PARP8: variants seen among roughly 807,000 people sequenced by gnomAD.
PARP8 encodes protein mono-ADP-ribosyltransferase PARP8.
In PARP8, 51 loss-of-function variants were observed where a neutral mutation model predicts 124.1. That is an observed-to-expected ratio of 0.41 (90% CI 0.33 to 0.52). PARP8 has a LOEUF of 0.52. Among genes scored for constraint, PARP8 ranks in the 20% least tolerant of loss-of-function variants. The pLI, the probability that PARP8 is intolerant of heterozygous loss-of-function variation, is 0.21. For missense variants in PARP8, 860 were observed against 1,018.9 expected (o/e 0.84, Z 2.12); for synonymous variants, 391 against 361.5 (o/e 1.08, Z -0.93).
intron 16 of PARP8, among the ~76,000 whole-genome samples, chr5:50,821,885 G>A (rs901612330): frequency 6.6e-6 from 1 of 152,124 alleles, no homozygotes; most frequent in Non-Finnish European, 1.5e-5. Flanking sequence ...AAAATGAATT[G>A]TCAGCTATGT....
rs190331890 is a variant in PARP8, at chr5:50,781,800, A to G, written c.670+3150A>G. Among the ~76,000 whole-genome samples the G allele has an allele frequency of 3.3e-4, 50 of 152,284 alleles. 1 individual carries two copies. In the East Asian group the frequency reaches 7.0e-3, roughly 21 times the overall value. ...TAGCTACTCTGTTTCAGGTCTGTAC[A>G]AATTCTAAGTTGTAATGCATGCTCC... On this transcript the variant is annotated intron_variant, in intron 9 of 25. Coordinates refer to ENST00000281631, the MANE Select transcript of PARP8 (RefSeq NM_024615.4).
intron 9 of PARP8, among the ~76,000 whole-genome samples, chr5:50,779,512 G>A (rs1279270305): frequency 7.2e-5 from 11 of 152,150 alleles, no homozygotes; most frequent in African/African-American, 1.7e-4. Flanking sequence ...GTGCCTGTCC[G>A]ACACATAGCT....
chr5:50,796,457 G>A (rs1393757992), intron 12 of PARP8, among the ~76,000 whole-genome samples: 1 of 152,148 alleles, frequency 6.6e-6, no homozygotes, highest in Non-Finnish European at 1.5e-5. Flanking sequence ...TAGAACAACT[G>A]CACAGTGGAA....
chr5:50,792,403 C>T (rs1742062572), intron 10 of PARP8, among the ~76,000 whole-genome samples: 1 of 151,916 alleles, frequency 6.6e-6, no homozygotes, highest in African/African-American at 2.4e-5. Context: ...TTAAGAATTA[C>T]TGATTTTAGA....
At position 50,829,411 on chromosome 5, in the gene PARP8, A is replaced by G. The variant is rs74957323; in HGVS notation, c.2164-481A>G. Among the ~76,000 whole-genome samples the G allele has an allele frequency of 7.5e-3, 1,137 of 152,296 alleles. 14 individuals carry two copies. The highest frequency in any genetic ancestry group is 0.026 in the African/African-American group (1,068 of 41,552). On this transcript the variant is annotated intron_variant, in intron 21 of 25. Transcript: ENST00000281631. ...TGAGGGCCCAGAACACAGAGATAATAAGAAAGAAATTTAGTTGATCTGAGT... is the reference window on the plus strand; with the variant it reads ...TGAGGGCCCAGAACACAGAGATAATGAGAAAGAAATTTAGTTGATCTGAGT...
At chr5:50,815,228 A>G (rs1385148244) in intron 14 of PARP8, among the ~76,000 whole-genome samples, 1 of 152,014 alleles carries the variant, frequency 6.6e-6, no homozygotes, top group Non-Finnish European at 1.5e-5. Context: ...TTTTTATAAT[A>G]TTTTTTACTC....
chr5:50,715,073 G>A lies in PARP8; in HGVS notation c.147-35078G>A, dbSNP rs551980225. Among the ~76,000 whole-genome samples the A allele has an allele frequency of 2.8e-4, 43 of 151,966 alleles. 1 individual carries two copies. In the South Asian group the frequency reaches 6.6e-3, roughly 23 times the overall value. ...GTTCATCAGGAAACAGTCATCAGTG[G>A]CCAGCTAACTATTCCCAACTCAAGC... On this transcript the variant is annotated intron_variant, in intron 2 of 25. Transcript: ENST00000281631.
chr5:50,760,127 C>T (rs1440937949), intron 4 of PARP8, among the ~76,000 whole-genome samples, 165 bp from the exon 5 acceptor site: 2 of 152,028 alleles, frequency 1.3e-5, no homozygotes, highest in Admixed American at 6.6e-5. Flanking sequence ...GAATAGCTTG[C>T]GTATTGTGTA....
intron 18 of PARP8, 39 bp downstream of exon 18, chr5:50,825,014 C>T: frequency 6.8e-7 from 1 of 1,478,774 alleles, no homozygotes; most frequent in Middle Eastern, 1.7e-4. Context: ...AAAACAGCAT[C>T]CTTTTCTACT....
chr5:50,788,231 T>TGTATACAATATAATGTATTATG, intron 9 of PARP8, among the ~76,000 whole-genome samples: 1 of 142,772 alleles, frequency 7.0e-6, no homozygotes, highest in Admixed American at 7.7e-5. Context: ...ATACTGTATA[T>TGTATACAATATAATGTATTATG]TATTATACAG....
intron 9 of PARP8, among the ~76,000 whole-genome samples, chr5:50,782,758 C>T (rs1251060948): frequency 6.6e-6 from 1 of 151,914 alleles, no homozygotes; most frequent in African/African-American, 2.4e-5. Context: ...TTTGATACTA[C>T]ATCAGTTAGA....
intron 7 of PARP8, among the ~76,000 whole-genome samples, chr5:50,774,350 C>G (rs1300851629): frequency 6.6e-6 from 1 of 152,208 alleles, no homozygotes; most frequent in East Asian, 1.9e-4. Context: ...TGGTCACTGT[C>G]TCTTCGGAGC....
chr5:50,706,698 T>C (rs1357816205), intron 2 of PARP8, among the ~76,000 whole-genome samples: 1 of 152,106 alleles, frequency 6.6e-6, no homozygotes, highest in African/African-American at 2.4e-5. Flanking sequence ...CAATATGTTA[T>C]AGTACACATA....
At chr5:50,818,953 A>G (rs539820635) in intron 15 of PARP8, among the ~76,000 whole-genome samples, 8 of 152,224 alleles carry the variant, frequency 5.3e-5, no homozygotes, top group African/African-American at 1.7e-4. Flanking sequence ...TGTCTTTACT[A>G]TATGCCATGT....
At chr5:50,817,362 A>G (rs763679326) in intron 15 of PARP8, among the ~76,000 whole-genome samples, 21 of 152,182 alleles carry the variant, frequency 1.4e-4, no homozygotes, top group Non-Finnish European at 2.5e-4. Context: ...CATTTTTTTC[A>G]TACTTTATTT....
chr5:50,688,296 C>T (rs1332464483), intron 2 of PARP8, among the ~76,000 whole-genome samples: 4 of 152,166 alleles, frequency 2.6e-5, no homozygotes, highest in African/African-American at 9.7e-5. Flanking sequence ...AATGTACTTA[C>T]TGTATAAGAA....
chr5:50,743,745 CATAAATAAATAA>C (rs148163788), intron 2 of PARP8, among the ~76,000 whole-genome samples: 1 of 151,188 alleles, frequency 6.6e-6, no homozygotes, highest in African/African-American at 2.4e-5. Flanking sequence ...GTCTCCAAAA[CATAAATAAATAA>C]ATAAATAAAT....
In PARP8 at chr5:50,715,701, TTTAAA is replaced by T. The variant is rs528999855; in HGVS notation, c.147-34446_147-34442del. The stretch of plus-strand genomic sequence containing the variant: ...TGAGAGAATATAAAAAACTTTAGTG[TTTAAA>T]TTATAATACATAGTATGTTTACTTT... On this transcript the variant is annotated intron_variant, in intron 2 of 25. Coordinates refer to ENST00000281631, the MANE Select transcript of PARP8 (RefSeq NM_024615.4). Among the ~76,000 whole-genome samples the T allele has an allele frequency of 1.8e-3, 276 of 152,246 alleles. 1 individual carries two copies. The highest frequency in any genetic ancestry group is 6.6e-3 in the African/African-American group (274 of 41,564).
chr5:50,678,392 A>G (rs1047453153), intron 2 of PARP8, among the ~76,000 whole-genome samples: 2 of 152,178 alleles, frequency 1.3e-5, no homozygotes, highest in African/African-American at 2.4e-5. Context: ...AACTCATACT[A>G]CAATTGCAAC....
Sources: allele counts gnomAD v4.1 joint callset (sites outside exome capture counted in the v4.1 genomes callset), GRCh38; gene constraint gnomAD v4.1.1; transcripts MANE v1.5; gene names NCBI Gene and HGNC (gene_info 2026-07-23, HGNC 2026-07-21).